The following SOX5 variants were observed in gnomAD, a reference collection of about 807,000 sequenced individuals.
SOX5 encodes SRY-box transcription factor 5.
Under a neutral mutation model 92.0 loss-of-function variants are expected in SOX5, and 9 were observed. That is an observed-to-expected ratio of 0.10 (90% CI 0.06 to 0.17). SOX5 has a LOEUF of 0.17. SOX5 is among the 10% of genes least tolerant of loss of function. The probability of loss-of-function intolerance (pLI) is 1.00; values close to 1 mark genes in which losing one functional copy is unlikely to be tolerated. For missense variants in SOX5, 642 were observed against 944.5 expected (o/e 0.68, Z 4.20); for synonymous variants, 344 against 336.3 (o/e 1.02, Z -0.25).
intron 1 of SOX5, among the ~76,000 whole-genome samples, chr12:24,464,542 C>T (rs542354499): frequency 6.6e-6 from 1 of 152,214 alleles, no homozygotes; most frequent in African/African-American, 2.4e-5. Context: ...GGAGTTTCAC[C>T]GTGTTAGCCA....
intron 3 of SOX5, among the ~76,000 whole-genome samples, chr12:23,832,866 A>C (rs1225360844): frequency 2.0e-5 from 3 of 151,938 alleles, no homozygotes; most frequent in Non-Finnish European, 4.4e-5. Flanking sequence ...CAAGAACCAA[A>C]ATAGATAAAA....
At chr12:23,908,334 A>G (rs1215832697) in intron 1 of SOX5, among the ~76,000 whole-genome samples, 1 of 152,080 alleles carries the variant, frequency 6.6e-6, no homozygotes. Context: ...GATTTGTTGA[A>G]AACTGACTGT....
chr12:23,600,929 T>C (rs2074409499), intron 9 of SOX5, among the ~76,000 whole-genome samples: 1 of 152,116 alleles, frequency 6.6e-6, no homozygotes, highest in African/African-American at 2.4e-5. Flanking sequence ...TCTCTGGTGC[T>C]GAGGACAGAC....
At chr12:24,188,979 A>T (rs1234305662) in intron 4 of SOX5, among the ~76,000 whole-genome samples, 2 of 152,204 alleles carry the variant, frequency 1.3e-5, no homozygotes, top group Non-Finnish European at 2.9e-5. Context: ...TTCAGTGATC[A>T]TGTCCAAGAT....
chr12:24,049,878 A>C (rs1165472155), intron 4 of SOX5, among the ~76,000 whole-genome samples: 2 of 151,828 alleles, frequency 1.3e-5, no homozygotes, highest in East Asian at 3.9e-4. Context: ...GAGCCAGTGC[A>C]ATTTGTCCAT....
chr12:24,040,763 C>T (rs1479239293), intron 4 of SOX5, among the ~76,000 whole-genome samples: 4 of 152,122 alleles, frequency 2.6e-5, no homozygotes, highest in Non-Finnish European at 5.9e-5. Context: ...GTCCCAGTTC[C>T]TCGGGAGGCT....
intron 1 of SOX5, among the ~76,000 whole-genome samples, chr12:23,936,219 G>T (rs1015507459): frequency 6.6e-6 from 1 of 150,936 alleles, no homozygotes; most frequent in South Asian, 2.1e-4. Context: ...TGTAGTATCA[G>T]CTGGGATACA....
chr12:23,784,787 A>ACTCTTTCTTC (rs2095349080), intron 3 of SOX5, among the ~76,000 whole-genome samples: 2 of 152,276 alleles, frequency 1.3e-5, no homozygotes, highest in Non-Finnish European at 2.9e-5. Flanking sequence ...ATCAGAAAAA[A>ACTCTTTCTTC]AATCATTGGC....
chr12:24,003,130 A>G (rs1010939114), intron 4 of SOX5, among the ~76,000 whole-genome samples: 7 of 152,112 alleles, frequency 4.6e-5, no homozygotes. Context: ...GAAATTCTCA[A>G]CTAACAAGGA....
intron 4 of SOX5, among the ~76,000 whole-genome samples, chr12:24,184,449 A>G (rs531414636): frequency 6.6e-6 from 1 of 152,276 alleles, no homozygotes; most frequent in East Asian, 1.9e-4. Flanking sequence ...GCACAGGATA[A>G]AAGAGAAATG....
intron 4 of SOX5, among the ~76,000 whole-genome samples, chr12:23,988,424 G>T (rs1450179967): frequency 6.6e-6 from 1 of 152,126 alleles, no homozygotes; most frequent in Non-Finnish European, 1.5e-5. Context: ...CAACATTATA[G>T]GGTTGGGATT....
At position 23,546,417 on chromosome 12, in the gene SOX5, GT is replaced by G; in HGVS notation, c.1495del (p.Thr499GlnfsTer6). 2 of 1,584,070 alleles carry G rather than the reference GT, an allele frequency of 1.3e-6. No individual in the cohort carries two copies. The highest frequency in any genetic ancestry group is 1.7e-6 in the Non-Finnish European group (2 of 1,157,962). ...LNNCRTEKEK[T>X]TLESLTQQLA... is the part of the protein sequence containing the mutation. Reference sequence around the variant, plus strand: ...TTGCTGAGTCAGACTCTCCAGTGTTGTTTTTTCCTTTAAAAAAATTATAATG... The same window carrying G: ...TTGCTGAGTCAGACTCTCCAGTGTTGTTTTTCCTTTAAAAAAATTATAATG... On this transcript the variant is annotated frameshift_variant, in exon 12 of 15. Transcript: ENST00000451604. LOFTEE classifies it high-confidence loss of function.
intron 4 of SOX5, among the ~76,000 whole-genome samples, chr12:24,177,323 G>A (rs1385801779): frequency 6.6e-6 from 1 of 152,116 alleles, no homozygotes; most frequent in Non-Finnish European, 1.5e-5. Context: ...TAATTCCAAA[G>A]ACCCCTTTTA....
chr12:23,602,177 T>C (rs997880089), intron 9 of SOX5, among the ~76,000 whole-genome samples: 2 of 152,188 alleles, frequency 1.3e-5, no homozygotes, highest in East Asian at 3.8e-4. Context: ...CAATCTACTT[T>C]TTCACTTGTA....
chr12:24,427,377 T>C (rs542003645), intron 1 of SOX5, among the ~76,000 whole-genome samples: 10 of 152,314 alleles, frequency 6.6e-5, no homozygotes, highest in African/African-American at 1.9e-4. Context: ...ACTAAAATAT[T>C]GCAAGTTTCT....
intron 7 of SOX5, among the ~76,000 whole-genome samples, chr12:23,652,684 C>A (rs1335276534): frequency 1.3e-5 from 2 of 151,888 alleles, no homozygotes; most frequent in African/African-American, 2.4e-5. Flanking sequence ...ATGAAAGTAA[C>A]CTTGATTTCT....
chr12:23,823,009 C>T, intron 3 of SOX5, among the ~76,000 whole-genome samples: 1 of 152,090 alleles, frequency 6.6e-6, no homozygotes, highest in East Asian at 1.9e-4. Context: ...CTATGTGTGT[C>T]TTTGCACATG....
chr12:23,572,137 T>A (rs895037899), intron 10 of SOX5, among the ~76,000 whole-genome samples: 1 of 152,178 alleles, frequency 6.6e-6, no homozygotes, highest in Admixed American at 6.5e-5. Context: ...GTAATATTGG[T>A]CACCAACCTC....
At chr12:24,277,605 T>A (rs1393424896) in intron 2 of SOX5, among the ~76,000 whole-genome samples, 3 of 124,584 alleles carry the variant, frequency 2.4e-5, no homozygotes, top group African/African-American at 7.9e-5. Context: ...TTTACATATA[T>A]AAATGTAATA....
Sources: allele counts gnomAD v4.1 joint callset (sites outside exome capture counted in the v4.1 genomes callset), GRCh38; gene constraint gnomAD v4.1.1; transcripts MANE v1.5; gene names NCBI Gene and HGNC (gene_info 2026-07-23, HGNC 2026-07-21).